Variants in ULK4 observed in about 807,000 individuals in gnomAD.
ULK4 encodes unc-51 like kinase 4, also known as inactive serine/threonine-protein kinase ULK4.
In ULK4, 133 loss-of-function variants were observed where a neutral mutation model predicts 160.6. That is an observed-to-expected ratio of 0.83 (90% CI 0.72 to 0.96). ULK4 has a LOEUF of 0.96. ULK4 is among the 40% of genes least tolerant of loss of function. The probability of loss-of-function intolerance (pLI) is 0.00; values close to 1 mark genes in which losing one functional copy is unlikely to be tolerated. For synonymous variants in ULK4, 534 were observed against 539.8 expected (o/e 0.99, Z 0.15); for missense variants, 1,580 against 1,499.5 (o/e 1.05, Z -0.89).
intron 34 of ULK4, among the ~76,000 whole-genome samples, chr3:41,449,942 C>CATCT (rs2083388862): frequency 1.4e-5 from 2 of 147,984 alleles, no homozygotes; most frequent in South Asian, 4.5e-4. Flanking sequence ...TGTCAAGGAC[C>CATCT]ATCTTTTCAG....
At chr3:41,279,271 A>C (rs138993947) in intron 35 of ULK4, among the ~76,000 whole-genome samples, 9,144 of 145,864 alleles carry the variant, frequency 0.063, 376 homozygotes, top group Non-Finnish European at 0.091. Context: ...AAAAAAAAAA[A>C]AAAACAAAAC....
At chr3:41,683,568 C>T (rs1263314796) in intron 27 of ULK4, among the ~76,000 whole-genome samples, 1 of 151,618 alleles carries the variant, frequency 6.6e-6, no homozygotes. Flanking sequence ...CCACCCCAGA[C>T]AATGCTTTTC....
intron 31 of ULK4, among the ~76,000 whole-genome samples, chr3:41,581,920 C>T (rs767197798): frequency 9.2e-5 from 14 of 152,210 alleles, no homozygotes; most frequent in African/African-American, 2.9e-4. Context: ...AAAGGTCTTG[C>T]GGTTGAGTGA....
At chr3:41,302,312 ATT>A (rs1670140047) in intron 35 of ULK4, among the ~76,000 whole-genome samples, 1 of 152,230 alleles carries the variant, frequency 6.6e-6, no homozygotes. Flanking sequence ...TTAACTTATT[ATT>A]AAGTAGAAAC....
intron 17 of ULK4, among the ~76,000 whole-genome samples, chr3:41,842,318 A>C (rs2041953543): frequency 6.6e-6 from 1 of 152,144 alleles, no homozygotes. Context: ...AAAGGGAAAA[A>C]AGAAAAAAAA....
At chr3:41,452,605 T>C (rs958493476) in intron 34 of ULK4, among the ~76,000 whole-genome samples, 4 of 152,206 alleles carry the variant, frequency 2.6e-5, no homozygotes, top group African/African-American at 4.8e-5. Flanking sequence ...TAGATATAAC[T>C]ACATAAAACA....
At chr3:41,807,278 A>T (rs1477898858) in intron 19 of ULK4, among the ~76,000 whole-genome samples, 1 of 152,214 alleles carries the variant, frequency 6.6e-6, no homozygotes, top group African/African-American at 2.4e-5. Flanking sequence ...AAGGGCAAAG[A>T]AAGATATATA....
chr3:41,949,343 A>G (rs1469724947), intron 2 of ULK4, among the ~76,000 whole-genome samples: 1 of 151,730 alleles, frequency 6.6e-6, no homozygotes, highest in African/African-American at 2.4e-5. Flanking sequence ...CACAAAAAGT[A>G]AAGTTTCCAT....
intron 31 of ULK4, among the ~76,000 whole-genome samples, chr3:41,592,327 C>G (rs1169712467): frequency 6.6e-6 from 1 of 152,180 alleles, no homozygotes. Flanking sequence ...TGTGGGCTCT[C>G]TGGGTCCCCT....
intron 34 of ULK4, among the ~76,000 whole-genome samples, chr3:41,405,366 C>G (rs960885518): frequency 9.9e-5 from 15 of 152,212 alleles, no homozygotes; most frequent in Admixed American, 5.2e-4. Context: ...TTTTCTTTAT[C>G]CAATCCACTG....
chr3:41,882,058 A>C (rs1008477374), intron 17 of ULK4: 9 of 615,536 alleles, frequency 1.5e-5, no homozygotes, highest in African/African-American at 1.3e-4. Flanking sequence ...AACAGGTCCC[A>C]GGTTACTTCA....
At chr3:41,299,036 G>C (rs918711364) in intron 35 of ULK4, among the ~76,000 whole-genome samples, 1 of 152,184 alleles carries the variant, frequency 6.6e-6, no homozygotes, top group African/African-American at 2.4e-5. Flanking sequence ...CTCCCATCAA[G>C]ACCTAGAGTC....
At chr3:41,804,131 A>C (rs1270076228) in intron 19 of ULK4, among the ~76,000 whole-genome samples, 1 of 151,638 alleles carries the variant, frequency 6.6e-6, no homozygotes, top group Admixed American at 6.6e-5. Flanking sequence ...ATTTCTCCAC[A>C]TCCTCTCCAG....
intron 32 of ULK4, among the ~76,000 whole-genome samples, chr3:41,551,483 T>C (rs1357634645): frequency 6.6e-6 from 1 of 151,918 alleles, no homozygotes; most frequent in East Asian, 1.9e-4. Context: ...CAGAGACGAT[T>C]ATGAGCAGCT....
At chr3:41,586,648 G>T (rs1051407517) in intron 31 of ULK4, among the ~76,000 whole-genome samples, 1 of 152,082 alleles carries the variant, frequency 6.6e-6, no homozygotes, top group East Asian at 1.9e-4. Context: ...TTAATGTTAT[G>T]TGGTTTTTGC....
chr3:41,630,714 C>T (rs1257091922), intron 30 of ULK4, among the ~76,000 whole-genome samples: 1 of 152,196 alleles, frequency 6.6e-6, no homozygotes, highest in East Asian at 1.9e-4. Context: ...TGCAGTTCTG[C>T]CTACCAGAGC....
At chr3:41,648,925 G>A (rs1476171177) in intron 30 of ULK4, among the ~76,000 whole-genome samples, 1 of 152,050 alleles carries the variant, frequency 6.6e-6, no homozygotes, top group Admixed American at 6.5e-5. Context: ...TTTGAGCCCA[G>A]GAGACCAGCC....
intron 35 of ULK4, among the ~76,000 whole-genome samples, chr3:41,265,553 G>A (rs186156861): frequency 7.9e-5 from 12 of 152,316 alleles, no homozygotes; most frequent in African/African-American, 1.7e-4. Context: ...TATTAAAGCC[G>A]TCAGGCACCA....
chr3:41,426,332 G>T (rs1175145990), intron 34 of ULK4, among the ~76,000 whole-genome samples: 1 of 152,138 alleles, frequency 6.6e-6, no homozygotes, highest in Non-Finnish European at 1.5e-5. Flanking sequence ...AATAGTAGGA[G>T]ACTTTACCCC....
Sources: allele counts gnomAD v4.1 joint callset (sites outside exome capture counted in the v4.1 genomes callset), GRCh38; gene constraint gnomAD v4.1.1; transcripts MANE v1.5; gene names NCBI Gene and HGNC (gene_info 2026-07-23, HGNC 2026-07-21).